MBOAT2: variants seen among roughly 807,000 people sequenced by gnomAD.
MBOAT2 encodes membrane-bound glycerophospholipid O-acyltransferase 2.
Under a neutral mutation model 63.4 loss-of-function variants are expected in MBOAT2, and 28 were observed. The observed-to-expected ratio is 0.44, with a 90% CI of 0.33 to 0.61. The LOEUF is 0.61. Ranked by LOEUF, MBOAT2 falls within the 20% of genes least tolerant of loss-of-function variation. The pLI, the probability that MBOAT2 is intolerant of heterozygous loss-of-function variation, is 0.03. For synonymous variants in MBOAT2, 211 were observed against 215.6 expected (o/e 0.98, Z 0.19); for missense variants, 470 against 605.8 (o/e 0.78, Z 2.35).
chr2:8,987,501 G>A (rs1671653387), intron 1 of MBOAT2, among the ~76,000 whole-genome samples: 1 of 152,172 alleles, frequency 6.6e-6, no homozygotes, highest in Non-Finnish European at 1.5e-5. Context: ...AAACTCTGAT[G>A]ACCTAAAAAG....
rs1287622802 is a variant in MBOAT2, at chr2:8,854,142, C to T, written c.*4537G>A. ...GAGTTTCTATAAATAGATTTGACTACTTGGTGTTGCAGAAAAACACTGTAG... is the reference window on the plus strand; with the variant it reads ...GAGTTTCTATAAATAGATTTGACTATTTGGTGTTGCAGAAAAACACTGTAG... On this transcript the variant is annotated 3_prime_UTR_variant, in exon 13 of 13. Transcript: ENST00000305997. The T allele has an allele frequency of 1.3e-5, 2 of 152,056 alleles. No individual in the cohort carries two copies. The highest frequency in any genetic ancestry group is 2.9e-5 in the Non-Finnish European group (2 of 68,018). The allele number at this position is 152,056 out of a possible 1,614,324, so 9.4% of individuals were successfully genotyped here.
At chr2:8,954,564 T>C (rs143598517) in intron 2 of MBOAT2, among the ~76,000 whole-genome samples, 11 of 152,066 alleles carry the variant, frequency 7.2e-5, no homozygotes, top group African/African-American at 2.7e-4. Flanking sequence ...CCATGTTCTC[T>C]ACACAGGAAT....
At chr2:8,881,159 C>T (rs34931284) in intron 6 of MBOAT2, among the ~76,000 whole-genome samples, 2,620 of 152,108 alleles carry the variant, frequency 0.017, 22 homozygotes, top group Non-Finnish European at 0.027. Context: ...AGCTGGCCTT[C>T]GATTAGATGA....
intron 2 of MBOAT2, among the ~76,000 whole-genome samples, chr2:8,945,918 A>G (rs1310706482): frequency 6.6e-6 from 1 of 152,200 alleles, no homozygotes; most frequent in Non-Finnish European, 1.5e-5. Flanking sequence ...TCTGAAAGGC[A>G]CTGTACTGAA....
chr2:8,925,438 T>C (rs1325955110), intron 3 of MBOAT2, among the ~76,000 whole-genome samples: 2 of 152,346 alleles, frequency 1.3e-5, no homozygotes, highest in East Asian at 3.9e-4. Context: ...TCCCATATTT[T>C]GGTTCATAAG....
intron 2 of MBOAT2, among the ~76,000 whole-genome samples, chr2:8,957,552 A>T (rs1669311722): frequency 6.6e-6 from 1 of 152,210 alleles, no homozygotes; most frequent in Non-Finnish European, 1.5e-5. Flanking sequence ...AATCCTCATA[A>T]CTATCAAAAA....
At chr2:8,995,953 T>C (rs1672270453) in intron 1 of MBOAT2, among the ~76,000 whole-genome samples, 2 of 152,230 alleles carry the variant, frequency 1.3e-5, no homozygotes, top group Admixed American at 1.3e-4. Context: ...CCCAAGTCTG[T>C]TATCTGTGAT....
chr2:8,995,228 A>C (rs1672199675), intron 1 of MBOAT2, among the ~76,000 whole-genome samples: 2 of 152,136 alleles, frequency 1.3e-5, no homozygotes, highest in Non-Finnish European at 2.9e-5. Flanking sequence ...CAATCAATAC[A>C]ATTTTTAAAG....
chr2:8,996,085 T>C lies in MBOAT2; in HGVS notation c.75+7455A>G, dbSNP rs980900711. Among the ~76,000 whole-genome samples, 5 of 152,308 alleles carry C rather than the reference T, an allele frequency of 3.3e-5. No homozygotes were observed. The East Asian group carries it at 7.8e-4, about 24-fold the overall frequency. ...TTTTAATAACAATCCAAAGTGATCT[T>C]TGACACAGGTGGTCTCAGAGCCACA... On this transcript the variant is annotated intron_variant, in intron 1 of 12. Coordinates refer to ENST00000305997, the MANE Select transcript of MBOAT2 (RefSeq NM_138799.4).
chr2:8,927,545 G>A (rs966406936), intron 3 of MBOAT2, among the ~76,000 whole-genome samples: 2 of 152,220 alleles, frequency 1.3e-5, no homozygotes, highest in South Asian at 4.2e-4. Context: ...TCAAACACCG[G>A]GCAGCCCAAG....
At chr2:8,885,369 T>C (rs1329133813) in intron 5 of MBOAT2, among the ~76,000 whole-genome samples, 2 of 152,184 alleles carry the variant, frequency 1.3e-5, no homozygotes, top group Non-Finnish European at 2.9e-5. Flanking sequence ...ATAAGGTATA[T>C]ATAAAACAAA....
intron 8 of MBOAT2, among the ~76,000 whole-genome samples, chr2:8,872,642 A>G (rs1662407113): frequency 1.3e-5 from 2 of 152,202 alleles, no homozygotes; most frequent in South Asian, 4.1e-4. Flanking sequence ...TCTACCTGCC[A>G]AGCATAACTG....
intron 7 of MBOAT2, among the ~76,000 whole-genome samples, chr2:8,873,663 G>A (rs935696102): frequency 6.6e-6 from 1 of 152,092 alleles, no homozygotes; most frequent in Non-Finnish European, 1.5e-5. Flanking sequence ...ATTTTATATG[G>A]ATATATATAT....
At chr2:8,968,819 A>C (rs922315504) in intron 1 of MBOAT2, among the ~76,000 whole-genome samples, 3 of 152,192 alleles carry the variant, frequency 2.0e-5, no homozygotes, top group African/African-American at 7.2e-5. Context: ...CGAGAAGAGA[A>C]CTTTAGAGAA....
At chr2:8,917,273 A>G (rs1487520772) in intron 3 of MBOAT2, among the ~76,000 whole-genome samples, 2 of 152,234 alleles carry the variant, frequency 1.3e-5, no homozygotes, top group African/African-American at 2.4e-5. Context: ...ATCAAAATTT[A>G]AAAGTTCTGC....
chr2:8,912,741 T>A (rs1189319083), intron 3 of MBOAT2, among the ~76,000 whole-genome samples: 1 of 152,144 alleles, frequency 6.6e-6, no homozygotes, highest in African/African-American at 2.4e-5. Context: ...ATGGGTAGAA[T>A]CAGTATTACG....
intron 4 of MBOAT2, among the ~76,000 whole-genome samples, chr2:8,902,017 C>G (rs943107958): frequency 2.0e-5 from 3 of 152,156 alleles, no homozygotes; most frequent in African/African-American, 7.2e-5. Context: ...CAGGGTCAAC[C>G]AACTTGTTGT....
At position 8,862,502 on chromosome 2, in the gene MBOAT2, A is replaced by G; in HGVS notation, c.1185+88T>C. ...CAATACTGACCACGACCAAGGAAAG[A>G]GGGTCTACCTTGTAAGAGAGATGTA... is the stretch of plus-strand genomic sequence containing the variant. On this transcript the variant is annotated intron_variant, in intron 11 of 12. Transcript: ENST00000305997. This position sits in a 1 kb window ranked among gnomAD's most constrained non-coding sequence, Gnocchi z 4.3. The G allele has an allele frequency of 1.4e-6, 2 of 1,474,904 alleles. No homozygotes were observed. The highest frequency in any genetic ancestry group is 1.8e-6 in the Non-Finnish European group (2 of 1,085,570). 91.4% of individuals were successfully genotyped at this position (1,474,904 alleles called of 1,614,324 possible).
chr2:9,000,193 T>C (rs1672587295), intron 1 of MBOAT2, among the ~76,000 whole-genome samples: 1 of 152,236 alleles, frequency 6.6e-6, no homozygotes, highest in African/African-American at 2.4e-5. Context: ...CATTGTTAAT[T>C]AGCACATACC....
Sources: allele counts gnomAD v4.1 joint callset (sites outside exome capture counted in the v4.1 genomes callset), GRCh38; gene constraint gnomAD v4.1.1; non-coding constraint Gnocchi (gnomAD v3.1); transcripts MANE v1.5; gene names NCBI Gene and HGNC (gene_info 2026-07-23, HGNC 2026-07-21).